SMYD3: variants seen among roughly 807,000 people sequenced by gnomAD.
The protein encoded by SMYD3 is SET and MYND domain containing 3, also known as histone-lysine N-methyltransferase SMYD3.
A neutral mutation model predicts 57.7 loss-of-function variants in SMYD3; 36 were observed. The ratio of observed to expected loss-of-function variants is 0.62; its 90% CI spans 0.48 to 0.82. The LOEUF (loss-of-function observed/expected upper bound fraction) is 0.82, where lower values mean the gene tolerates loss of function less well. Ranked by LOEUF, SMYD3 falls within the 40% of genes least tolerant of loss-of-function variation. SMYD3 has a pLI of 0.00. For synonymous variants in SMYD3, 211 were observed against 195.0 expected (o/e 1.08, Z -0.68); for missense variants, 515 against 538.8 (o/e 0.96, Z 0.44).
At chr1:245,886,585 G>A (rs9727618) in intron 8 of SMYD3, among the ~76,000 whole-genome samples, 151,922 of 152,284 alleles carry the variant, frequency 1, 75,783 homozygotes, top group Middle Eastern at 1. Flanking sequence ...CCATATCCCC[G>A]GGTATTAATC....
At chr1:245,928,985 T>C (rs551964040) in intron 6 of SMYD3, among the ~76,000 whole-genome samples, 1 of 152,218 alleles carries the variant, frequency 6.6e-6, no homozygotes, top group Non-Finnish European at 1.5e-5. Flanking sequence ...GCACTTACTA[T>C]GTAGAAACAC....
chr1:246,429,563 C>A (rs2067269860), intron 1 of SMYD3, among the ~76,000 whole-genome samples: 1 of 152,202 alleles, frequency 6.6e-6, no homozygotes, highest in Non-Finnish European at 1.5e-5. Flanking sequence ...TAAGTCTAGG[C>A]TATGACTCTA....
chr1:246,107,103 C>CCTGGCCAACAT (rs749267471), intron 5 of SMYD3, among the ~76,000 whole-genome samples: 3 of 108,842 alleles, frequency 2.8e-5, no homozygotes, highest in Non-Finnish European at 5.3e-5. Context: ...ATCGAGACCA[C>CCTGGCCAACAT]GGTGAAACCC....
chr1:245,862,663 C>T (rs1572537592), intron 9 of SMYD3, among the ~76,000 whole-genome samples: 1 of 152,210 alleles, frequency 6.6e-6, no homozygotes, highest in African/African-American at 2.4e-5. Flanking sequence ...TCCAGAATGA[C>T]ACTGAATCAT....
At chr1:246,056,201 TGAG>T (rs1162145724) in intron 5 of SMYD3, among the ~76,000 whole-genome samples, 1 of 152,040 alleles carries the variant, frequency 6.6e-6, no homozygotes, top group Non-Finnish European at 1.5e-5. Flanking sequence ...ATAAAGTTGA[TGAG>T]GGGAAAAAAA....
intron 2 of SMYD3, among the ~76,000 whole-genome samples, chr1:246,336,438 T>C (rs1465764906): frequency 1.3e-5 from 2 of 152,230 alleles, no homozygotes; most frequent in South Asian, 2.1e-4. Flanking sequence ...AATCTGCTCC[T>C]CAATTTCTGG....
chr1:245,825,820 GA>G (rs1290215406), intron 10 of SMYD3, among the ~76,000 whole-genome samples: 48 of 150,968 alleles, frequency 3.2e-4, no homozygotes, highest in African/African-American at 1.1e-3. Context: ...TACATCTACA[GA>G]AATCTAAAGT....
intron 5 of SMYD3, among the ~76,000 whole-genome samples, chr1:246,229,185 T>G (rs1046518379): frequency 6.6e-6 from 1 of 152,212 alleles, no homozygotes; most frequent in African/African-American, 2.4e-5. Flanking sequence ...AAATTTTCTT[T>G]GCTCACCTTC....
At chr1:246,029,530 G>A (rs1348345649) in intron 5 of SMYD3, among the ~76,000 whole-genome samples, 1 of 151,882 alleles carries the variant, frequency 6.6e-6, no homozygotes, top group Non-Finnish European at 1.5e-5. Flanking sequence ...AAATTAGCCA[G>A]GCGTGGTGAC....
At chr1:246,083,037 T>C (rs199650677) in intron 5 of SMYD3, among the ~76,000 whole-genome samples, 1 of 151,458 alleles carries the variant, frequency 6.6e-6, no homozygotes, top group South Asian at 2.1e-4. Flanking sequence ...TTTCTCCCCA[T>C]GTGACAGTCT....
At chr1:246,132,337 T>C (rs936946749) in intron 5 of SMYD3, among the ~76,000 whole-genome samples, 3 of 152,204 alleles carry the variant, frequency 2.0e-5, no homozygotes, top group South Asian at 2.1e-4. Flanking sequence ...TCCATGTACA[T>C]GGATTAGAAA....
rs137906404 is a variant in SMYD3 at position 245,828,507 on chromosome 1, A to G, written c.1076+29989T>C. On this transcript the variant is annotated intron_variant, in intron 10 of 11. Transcript: ENST00000490107. ...TATTTTTTTTTGATGATAGGTCATT[A>G]TGTGCTTATTTTTTGACATTTTAAA... Among the ~76,000 whole-genome samples the G allele has an allele frequency of 5.4e-3, 824 of 152,258 alleles. 19 individuals are homozygous for G. The highest frequency in any genetic ancestry group is 0.019 in the African/African-American group (786 of 41,556).
chr1:246,169,812 G>A (rs868742730), intron 5 of SMYD3, among the ~76,000 whole-genome samples: 11 of 151,690 alleles, frequency 7.3e-5, no homozygotes, highest in Admixed American at 3.3e-4. Flanking sequence ...GCTGAGGCAG[G>A]AGAATCGCTT....
intron 1 of SMYD3, among the ~76,000 whole-genome samples, chr1:246,474,767 G>A (rs1334072078): frequency 6.6e-6 from 1 of 152,108 alleles, no homozygotes; most frequent in East Asian, 1.9e-4. Context: ...ATTGTCTGCA[G>A]GTCATTCTCT....
chr1:246,170,431 T>TA (rs763707089), intron 5 of SMYD3, among the ~76,000 whole-genome samples: 1 of 151,422 alleles, frequency 6.6e-6, no homozygotes, highest in African/African-American at 2.4e-5. Context: ...TTTTTGCTAT[T>TA]AAAAAAAAGT....
At chr1:246,506,978 G>GCCCCCCCCCCCCCCCCCCC in intron 1 of SMYD3, 76 bp downstream of exon 1, 8 of 1,174,512 alleles carry the variant, frequency 6.8e-6, no homozygotes, top group Non-Finnish European at 6.7e-6. Context: ...CGCGGCTGCC[G>GCCCCCCCCCCCCCCCCCCC]GCCGCCCGAC....
intron 3 of SMYD3, among the ~76,000 whole-genome samples, chr1:246,335,156 T>C (rs1312341129): frequency 6.6e-6 from 1 of 152,248 alleles, no homozygotes; most frequent in Non-Finnish European, 1.5e-5. Flanking sequence ...ATAATGCTAC[T>C]GAACACTTAA....
chr1:245,963,544 T>C (rs78584258), intron 5 of SMYD3, among the ~76,000 whole-genome samples: 5 of 151,748 alleles, frequency 3.3e-5, no homozygotes, highest in Non-Finnish European at 5.9e-5. Context: ...TTTTTTTTTT[T>C]CCAGGAGCTC....
chr1:246,157,210 G>C (rs1453491807), intron 5 of SMYD3, among the ~76,000 whole-genome samples: 1 of 152,128 alleles, frequency 6.6e-6, no homozygotes, highest in Non-Finnish European at 1.5e-5. Context: ...GCCTCTGTTT[G>C]TAGCTTGTGT....
Sources: allele counts gnomAD v4.1 joint callset (sites outside exome capture counted in the v4.1 genomes callset), GRCh38; gene constraint gnomAD v4.1.1; transcripts MANE v1.5; gene names NCBI Gene and HGNC (gene_info 2026-07-23, HGNC 2026-07-21).